TAF3: variants seen among roughly 807,000 people sequenced by gnomAD.
TAF3 encodes the protein TATA-box binding protein associated factor 3.
A neutral mutation model predicts 80.6 loss-of-function variants in TAF3; 7 were observed. The ratio of observed to expected loss-of-function variants is 0.09; its 90% CI spans 0.05 to 0.16. The LOEUF (loss-of-function observed/expected upper bound fraction) is 0.16, where lower values mean the gene tolerates loss of function less well. Ranked by LOEUF, TAF3 falls within the 10% of genes least tolerant of loss-of-function variation. The pLI is 1.00. For synonymous variants in TAF3, 444 were observed against 446.1 expected (o/e 1.00, Z 0.06); for missense variants, 921 against 1,140.2 (o/e 0.81, Z 2.77).
intron 2 of TAF3, among the ~76,000 whole-genome samples, chr10:7,954,516 A>C (rs1190050879): frequency 3.0e-5 from 4 of 135,442 alleles, no homozygotes. Flanking sequence ...TTCAGAGTGC[A>C]CTCCATAGGC....
rs185040995 is a variant in TAF3, at chr10:7,888,857, T to C, written c.409+64297T>C. On this transcript the variant is annotated intron_variant, in intron 2 of 6. Transcript: ENST00000344293. Reference sequence around the variant, plus strand: ...AGTTGGCCTGCCAGATTCAAGGCTCTAAGTAAAACTATTTGAAGTAGAGTT... The same window carrying C: ...AGTTGGCCTGCCAGATTCAAGGCTCCAAGTAAAACTATTTGAAGTAGAGTT... Among the ~76,000 whole-genome samples the C allele has an allele frequency of 3.8e-4, 58 of 152,372 alleles. 1 individual carries two copies. Among genetic ancestry groups the C allele is most frequent in the Admixed American group, 1.4e-3 (22 of 15,308 alleles).
At chr10:7,907,385 A>G (rs1302554740) in intron 2 of TAF3, among the ~76,000 whole-genome samples, 1 of 152,138 alleles carries the variant, frequency 6.6e-6, no homozygotes, top group Admixed American at 6.5e-5. Flanking sequence ...TAAAAAACAA[A>G]TGGGCATTTA....
At position 7,902,052 on chromosome 10, in the gene TAF3, AGT is replaced by A. The variant is rs1224184069; in HGVS notation, c.410-61859_410-61858del. Among the ~76,000 whole-genome samples, 4 of 152,090 alleles carry A rather than the reference AGT, an allele frequency of 2.6e-5. 1 individual carries two copies. Among genetic ancestry groups the A allele is most frequent in the Admixed American group, 1.3e-4 (2 of 15,270 alleles). On this transcript the variant is annotated intron_variant, in intron 2 of 6. Transcript: ENST00000344293. ...ACTAACTCCGCACCCCACGTTCGTC[AGT>A]GTGTGTGTTTTCTTAGAACCAGGAC...
rs374274132 is a variant in TAF3 at position 7,985,259 on chromosome 10, G to A, written c.2315+7936G>A. Among the ~76,000 whole-genome samples, 22 of 152,202 alleles carry A rather than the reference G, an allele frequency of 1.4e-4. 1 individual carries two copies. Among genetic ancestry groups the A allele is most frequent in the Admixed American group, 3.9e-4 (6 of 15,288 alleles). ...TTCCAAACCTTCTTACATCCCCCAC[G>A]GCTTGTCGTCCAGGCTCTAGGAAAG... On this transcript the variant is annotated intron_variant, in intron 4 of 6. Coordinates refer to ENST00000344293, the MANE Select transcript of TAF3 (RefSeq NM_031923.4).
At chr10:7,992,042 G>A (rs748677449) in intron 4 of TAF3, among the ~76,000 whole-genome samples, 2 of 152,134 alleles carry the variant, frequency 1.3e-5, no homozygotes, top group Non-Finnish European at 2.9e-5. Context: ...TCATGTGAAA[G>A]CATCTTTTAC....
At chr10:7,985,592 A>G (rs1437627416) in intron 4 of TAF3, among the ~76,000 whole-genome samples, 1 of 152,076 alleles carries the variant, frequency 6.6e-6, no homozygotes, top group Non-Finnish European at 1.5e-5. Context: ...TGCCCTAGAA[A>G]CTTTTCTACA....
At position 7,965,336 on chromosome 10, in the gene TAF3, T is replaced by C; in HGVS notation, c.1826T>C (p.Val609Ala). The C allele has an allele frequency of 6.2e-7, 1 of 1,603,174 alleles. No individual in the cohort carries two copies. The highest frequency in any genetic ancestry group is 8.5e-7 in the Non-Finnish European group (1 of 1,177,566). The part of the protein sequence containing the change: ...DPKVKLKDGL[V>A]RKEKEKHKDK... Reference sequence around the variant, plus strand: ...AAAGTGAAATTGAAAGATGGACTTGTGAGGAAGGAGAAAGAGAAGCATAAA... The same window carrying C: ...AAAGTGAAATTGAAAGATGGACTTGCGAGGAAGGAGAAAGAGAAGCATAAA... The change falls in exon 3 of 7, where the codon GTG becomes GCG. Residue 609 changes from valine (V) to alanine (A), a missense_variant. Physicochemically the swap from Val to Ala is moderately conservative, Grantham distance 64. Transcript: ENST00000344293.
At chr10:7,865,917 T>C (rs1837210139) in intron 2 of TAF3, among the ~76,000 whole-genome samples, 1 of 152,210 alleles carries the variant, frequency 6.6e-6, no homozygotes, top group Admixed American at 6.5e-5. Flanking sequence ...AAAGCAACTA[T>C]GACCATACTT....
chr10:7,971,126 G>A (rs1205351934), intron 3 of TAF3, among the ~76,000 whole-genome samples: 1 of 152,154 alleles, frequency 6.6e-6, no homozygotes, highest in Admixed American at 6.5e-5. Flanking sequence ...GGACGGGAAA[G>A]CTCATATTCT....
chr10:7,831,534 C>T lies in TAF3; in HGVS notation c.409+6974C>T, dbSNP rs983858064. ...CTAATTTTTGTATTTTTAGTAGAGGCGAGGTTTCACCATGTTGGCCAGGCT... is the reference window on the plus strand; with the variant it reads ...CTAATTTTTGTATTTTTAGTAGAGGTGAGGTTTCACCATGTTGGCCAGGCT... On this transcript the variant is annotated intron_variant, in intron 2 of 6. Coordinates refer to ENST00000344293, the MANE Select transcript of TAF3 (RefSeq NM_031923.4). Among the ~76,000 whole-genome samples the T allele has an allele frequency of 3.9e-5, 6 of 152,016 alleles. No individual in the cohort carries two copies. The East Asian group carries it at 9.6e-4, about 24-fold the overall frequency.
At chr10:7,954,744 A>G (rs2131405818) in intron 2 of TAF3, among the ~76,000 whole-genome samples, 1 of 139,358 alleles carries the variant, frequency 7.2e-6, no homozygotes, top group African/African-American at 2.6e-5. Flanking sequence ...TGAGTGGATT[A>G]GTCCTAGTTA....
chr10:7,956,791 A>T (rs568054539), intron 2 of TAF3, among the ~76,000 whole-genome samples: 20 of 152,192 alleles, frequency 1.3e-4, no homozygotes, highest in Non-Finnish European at 2.6e-4. Flanking sequence ...GCCATTTCTT[A>T]TTTGAAGTAT....
At chr10:8,013,180 G>A (rs1408764848) in intron 5 of TAF3, among the ~76,000 whole-genome samples, 1 of 152,200 alleles carries the variant, frequency 6.6e-6, no homozygotes, top group Non-Finnish European at 1.5e-5. Flanking sequence ...GGAATGGAAA[G>A]TTACTTAGTA....
intron 4 of TAF3, among the ~76,000 whole-genome samples, chr10:7,991,849 G>C (rs908189361): frequency 3.9e-5 from 6 of 152,134 alleles, no homozygotes; most frequent in African/African-American, 1.4e-4. Context: ...CATGACTTCA[G>C]TAATAACTGA....
intron 4 of TAF3, among the ~76,000 whole-genome samples, chr10:7,978,521 G>A (rs1003686895): frequency 6.6e-6 from 1 of 152,108 alleles, no homozygotes; most frequent in Non-Finnish European, 1.5e-5. Context: ...ACTCTTTTCG[G>A]TTGTGCCAGT....
chr10:7,988,611 T>C (rs1379735579), intron 4 of TAF3, among the ~76,000 whole-genome samples: 2 of 108,968 alleles, frequency 1.8e-5, no homozygotes, highest in South Asian at 2.9e-4. Context: ...AGAAGCCAGA[T>C]ATAATGGTGT....
At position 8,010,780 on chromosome 10, in the gene TAF3, C is replaced by T. The variant is rs374886161; in HGVS notation, c.2568+1450C>T. ...ACAAAATTAGCTGGGCATGGTGGCA[C>T]GTGCCTGTAATCCCAGCTACTCGGG... On this transcript the variant is annotated intron_variant, in intron 5 of 6. Coordinates refer to ENST00000344293, the MANE Select transcript of TAF3 (RefSeq NM_031923.4). 7.6e-4 allele frequency among the ~76,000 whole-genome samples: 116 copies of T among 152,158 alleles called. 2 individuals carry two copies. The highest frequency in any genetic ancestry group is 2.6e-3 in the African/African-American group (106 of 41,498).
intron 2 of TAF3, among the ~76,000 whole-genome samples, chr10:7,827,797 CA>C (rs964312625): frequency 1.4e-5 from 2 of 140,332 alleles, no homozygotes; most frequent in African/African-American, 5.2e-5. Flanking sequence ...AAAAAAAAAA[CA>C]AAAACAAAAA....
intron 2 of TAF3, among the ~76,000 whole-genome samples, chr10:7,935,431 A>G (rs1181063544): frequency 6.6e-6 from 1 of 151,734 alleles, no homozygotes; most frequent in East Asian, 1.9e-4. Flanking sequence ...TAAAAATACA[A>G]AAAATAGCCT....
Sources: allele counts gnomAD v4.1 joint callset (sites outside exome capture counted in the v4.1 genomes callset), GRCh38; gene constraint gnomAD v4.1.1; transcripts MANE v1.5; gene names NCBI Gene and HGNC (gene_info 2026-07-23, HGNC 2026-07-21).